SLC26A11: variants seen among roughly 807,000 people sequenced by gnomAD.
SLC26A11 encodes sodium-independent sulfate anion transporter.
In SLC26A11, 58 loss-of-function variants were observed where a neutral mutation model predicts 62.2. That is an observed-to-expected ratio of 0.93 (90% CI 0.76 to 1.16). The LOEUF (loss-of-function observed/expected upper bound fraction) is 1.16. Ranked by LOEUF, SLC26A11 falls within the 50% of genes most tolerant of loss-of-function variation. The pLI is 0.00. For missense variants in SLC26A11, 790 were observed against 794.3 expected (o/e 0.99, Z 0.06); for synonymous variants, 411 against 368.9 (o/e 1.11, Z -1.31).
chr17:80,225,394 G>C (rs1399341995), intron 5 of SLC26A11, among the ~76,000 whole-genome samples: 1 of 152,142 alleles, frequency 6.6e-6, no homozygotes, highest in African/African-American at 2.4e-5. Context: ...GGGTGGCGGG[G>C]CACCTAGTGA....
At chr17:80,236,425 TG>T (rs2042692275) in intron 7 of SLC26A11, among the ~76,000 whole-genome samples, 1 of 152,138 alleles carries the variant, frequency 6.6e-6, no homozygotes, top group Non-Finnish European at 1.5e-5. Context: ...TCCATACACA[TG>T]GGGACCATCG....
Position 80,228,986 on chromosome 17 carries a change from T to C in SLC26A11, c.736+1026T>C, listed in dbSNP as rs1391135005. Among the ~76,000 whole-genome samples, 1 of 152,166 alleles carries C rather than the reference T, an allele frequency of 6.6e-6. No individual in the cohort carries two copies. The highest frequency in any genetic ancestry group is 1.5e-5 in the Non-Finnish European group (1 of 68,022). On this transcript the variant is annotated intron_variant, in intron 7 of 17. Transcript: ENST00000361193. The surrounding 1 kb of genome is among the most constrained non-coding windows in gnomAD (Gnocchi z 4.1). ...GCATCCGGGATGGGCATGGGTCCCC[T>C]GGCTGAGCACCGGGCAGGGATGCCC... is the stretch of plus-strand genomic sequence containing the variant.
intron 7 of SLC26A11, among the ~76,000 whole-genome samples, chr17:80,235,064 A>C (rs1486474681): frequency 6.6e-6 from 1 of 152,058 alleles, no homozygotes; most frequent in Non-Finnish European, 1.5e-5. Flanking sequence ...TGGCTGGGCC[A>C]GTCTCGAATT....
At position 80,252,549 on chromosome 17, in the gene SLC26A11, T is replaced by C. The variant is rs2043182598; in HGVS notation, c.1730-76T>C. 3 of 1,421,616 alleles carry C rather than the reference T, an allele frequency of 2.1e-6. No homozygotes were observed. Among genetic ancestry groups the C allele is most frequent in the Non-Finnish European group, 9.8e-7 (1 of 1,021,246 alleles). 88.1% of individuals were successfully genotyped at this position (1,421,616 alleles called of 1,614,324 possible). A position where few individuals can be genotyped will look rare whatever the true frequency, so the allele number is the denominator to read the frequency against. On this transcript the variant is annotated intron_variant, in intron 17 of 17. Coordinates refer to ENST00000361193, the MANE Select transcript of SLC26A11 (RefSeq NM_001166347.2). The surrounding 1 kb of genome is among the most constrained non-coding windows in gnomAD (Gnocchi z 5.2). The stretch of plus-strand genomic sequence containing the variant: ...TTCCAGGACTCTGGAAGGCCCTCCT[T>C]AATCCCTTCCTGTGAACTGACCCAT...
intron 13 of SLC26A11, among the ~76,000 whole-genome samples, chr17:80,247,080 TA>T (rs1459618216): frequency 1.3e-5 from 2 of 151,596 alleles, no homozygotes; most frequent in East Asian, 1.9e-4. Flanking sequence ...TTATTATTTT[TA>T]TTTTTTTTTA....
intron 7 of SLC26A11, among the ~76,000 whole-genome samples, chr17:80,232,828 C>G (rs777427068): frequency 1.3e-5 from 2 of 152,066 alleles, no homozygotes; most frequent in Non-Finnish European, 2.9e-5. Flanking sequence ...CCTTTATTGG[C>G]TGATTAGCTG....
Position 80,246,671 on chromosome 17 carries a change from G to C in SLC26A11, c.1294+22G>C. 2 of 1,611,092 alleles carry C rather than the reference G, an allele frequency of 1.2e-6. No homozygotes were observed. Among genetic ancestry groups the C allele is most frequent in the Non-Finnish European group, 1.7e-6 (2 of 1,178,850 alleles). ...AAGAGTACGTCCTTGTCCTACAGGG[G>C]AGAGCGCTGTGATGCGGTGTCTGAA... On this transcript the variant is annotated intron_variant, in intron 13 of 17. Coordinates refer to ENST00000361193, the MANE Select transcript of SLC26A11 (RefSeq NM_001166347.2). This position sits in a 1 kb window ranked among gnomAD's most constrained non-coding sequence, Gnocchi z 4.4.
At chr17:80,237,181 G>T (rs1435212468) in intron 8 of SLC26A11, 78 bp downstream of exon 8, 1 of 1,508,984 alleles carries the variant, frequency 6.6e-7, no homozygotes, top group Non-Finnish European at 8.9e-7. Context: ...TGATGTATCT[G>T]CTGGGTGCCA....
Position 80,225,882 on chromosome 17 carries a change from G to C in SLC26A11, c.559G>C (p.Val187Leu). The change falls in exon 6 of 18, where the codon GTG becomes CTG. Residue 187 changes from valine (V) to leucine (L), a missense_variant. By Grantham distance (32) the Val-to-Leu change is conservative. Coordinates refer to ENST00000361193, the MANE Select transcript of SLC26A11 (RefSeq NM_001166347.2). ...QNIPRPFFLQ[V>L]YHTFLRIAET... ...CATCCCCAGGCCGTTCTTCCTGCAG[G>C]TGTACCACACCTTCCTCAGGATTGC... The C allele has an allele frequency of 6.2e-7, 1 of 1,614,012 alleles. No homozygotes were observed. Among genetic ancestry groups the C allele is most frequent in the Non-Finnish European group, 8.5e-7 (1 of 1,179,936 alleles).
Position 80,246,012 on chromosome 17 carries a change from C to A in SLC26A11, c.1098-142C>A. Reference sequence around the variant, plus strand: ...GTGACTGCACCCTAAGTCTCTTTGCCTCGGTCCCCTTGCAGTCCCCGCCTG... The same window carrying A: ...GTGACTGCACCCTAAGTCTCTTTGCATCGGTCCCCTTGCAGTCCCCGCCTG... On this transcript the variant is annotated intron_variant, in intron 11 of 17. Coordinates refer to ENST00000361193, the MANE Select transcript of SLC26A11 (RefSeq NM_001166347.2). The surrounding 1 kb of genome is among the most constrained non-coding windows in gnomAD (Gnocchi z 4.4). 1.0e-6 allele frequency: 1 copy of A among 974,502 alleles called. No homozygotes were observed. Among genetic ancestry groups the A allele is most frequent in the Admixed American group, 1.8e-5 (1 of 54,924 alleles). The allele number at this position is 974,502 out of a possible 1,614,324, so 60.4% of individuals were successfully genotyped here.
chr17:80,221,174 C>T (rs140007787), intron 2 of SLC26A11, 59 bp downstream of exon 2: 80 of 183,956 alleles, frequency 4.3e-4, no homozygotes, highest in African/African-American at 1.8e-3. Context: ...CCTGGGGAGA[C>T]GGAAAAAAAG....
chr17:80,241,619 G>A (rs1037105144), intron 9 of SLC26A11, 152 bp from the exon 10 acceptor site: 42 of 776,914 alleles, frequency 5.4e-5, no homozygotes, highest in Non-Finnish European at 7.0e-5. Context: ...ATGTTTACAC[G>A]CACATATATG....
At position 80,246,011 on chromosome 17, in the gene SLC26A11, C is replaced by A; in HGVS notation, c.1098-143C>A. ...TGTGACTGCACCCTAAGTCTCTTTG[C>A]CTCGGTCCCCTTGCAGTCCCCGCCT... On this transcript the variant is annotated intron_variant, in intron 11 of 17. Transcript: ENST00000361193. The surrounding 1 kb of genome is among the most constrained non-coding windows in gnomAD (Gnocchi z 4.4). The A allele has an allele frequency of 1.0e-6, 1 of 963,682 alleles. No individual in the cohort carries two copies. Among genetic ancestry groups the A allele is most frequent in the South Asian group, 1.4e-5 (1 of 73,280 alleles). 59.7% of individuals were successfully genotyped at this position (963,682 alleles called of 1,614,324 possible). A position where few individuals can be genotyped will look rare whatever the true frequency, so the allele number is the denominator to read the frequency against.
intron 16 of SLC26A11, among the ~76,000 whole-genome samples, chr17:80,250,895 C>T (rs1598849555): frequency 1.3e-5 from 2 of 151,944 alleles, no homozygotes; most frequent in African/African-American, 4.8e-5. Flanking sequence ...AATCCCAGCA[C>T]TTTGGGAGGC....
At chr17:80,244,462 T>A (rs995407351) in intron 10 of SLC26A11, among the ~76,000 whole-genome samples, 3 of 152,070 alleles carry the variant, frequency 2.0e-5, no homozygotes, top group Non-Finnish European at 4.4e-5. Flanking sequence ...TCTCACCCCC[T>A]CCTGGGTGGT....
intron 8 of SLC26A11, 72 bp downstream of exon 8, chr17:80,237,175 G>A (rs1300369504): frequency 7.8e-6 from 12 of 1,531,208 alleles, no homozygotes; most frequent in African/African-American, 2.7e-5. Context: ...CTACCCTGAT[G>A]TATCTGCTGG....
intron 7 of SLC26A11, among the ~76,000 whole-genome samples, chr17:80,231,869 T>C (rs938663886): frequency 2.6e-5 from 4 of 152,260 alleles, no homozygotes; most frequent in Admixed American, 1.3e-4. Context: ...TGGTCTATCT[T>C]AGTGAATATT....
At chr17:80,244,257 C>T (rs2042937837) in intron 10 of SLC26A11, among the ~76,000 whole-genome samples, 1 of 152,172 alleles carries the variant, frequency 6.6e-6, no homozygotes, top group Non-Finnish European at 1.5e-5. Context: ...GTTCTTGGGC[C>T]CCAGCAATGC....
intron 7 of SLC26A11, among the ~76,000 whole-genome samples, chr17:80,234,867 T>A (rs996552837): frequency 6.7e-6 from 1 of 149,556 alleles, no homozygotes; most frequent in Non-Finnish European, 1.5e-5. Flanking sequence ...TTTTTTTTTT[T>A]AAGATGGAGT....
Sources: gnomAD v4.1 joint callset for allele counts (sites outside exome capture counted in the v4.1 genomes callset) on GRCh38, gnomAD v4.1.1 for gene constraint, Gnocchi (gnomAD v3.1) non-coding constraint, MANE v1.5 for transcripts, NCBI Gene and HGNC (gene_info 2026-07-23, HGNC 2026-07-21) for gene names.